Variants in SNIP1 observed in about 807,000 individuals in gnomAD.
SNIP1 encodes Smad nuclear interacting protein 1.
SNIP1 carries 23 observed loss-of-function variants against 37.4 expected under a neutral mutation model. The observed-to-expected ratio is 0.61, with a 90% confidence interval of 0.44 to 0.87. SNIP1 has a LOEUF of 0.87. SNIP1 is among the 40% of genes least tolerant of loss of function. The pLI, the probability that SNIP1 is intolerant of heterozygous loss-of-function variation, is 0.00. For synonymous variants in SNIP1, 174 were observed against 200.0 expected (o/e 0.87, Z 1.10); for missense variants, 459 against 540.4 (o/e 0.85, Z 1.49).
At chr1:37,551,104 CACTG>C (rs1643296912) in intron 2 of SNIP1, among the ~76,000 whole-genome samples, 2 of 147,520 alleles carry the variant, frequency 1.4e-5, no homozygotes, top group East Asian at 4.0e-4. Flanking sequence ...CACACACACA[CACTG>C]ACACACAAAG....
intron 2 of SNIP1, chr1:37,544,930 T>C (rs1163880334): frequency 1.5e-5 from 15 of 968,646 alleles, no homozygotes; most frequent in Non-Finnish European, 2.5e-5. Flanking sequence ...ACCAATCTCA[T>C]GAGGAGAGGG....
intron 2 of SNIP1, among the ~76,000 whole-genome samples, chr1:37,542,830 C>A (rs2148113835): frequency 6.6e-6 from 1 of 152,262 alleles, no homozygotes; most frequent in African/African-American, 2.4e-5. Flanking sequence ...GTAATCCCAG[C>A]ACTTTGGGAA....
intron 1 of SNIP1, among the ~76,000 whole-genome samples, chr1:37,553,609 G>A (rs12132301): frequency 0.054 from 8,124 of 151,786 alleles, 268 homozygotes; most frequent in South Asian, 0.14. Context: ...CCCAGTTTCT[G>A]TTAGGTAGCT....
At chr1:37,547,752 CA>C (rs201985155) in intron 2 of SNIP1, among the ~76,000 whole-genome samples, 1 of 145,646 alleles carries the variant, frequency 6.9e-6, no homozygotes, top group Non-Finnish European at 1.5e-5. Context: ...CAACAACAAC[CA>C]AAAAAAAACA....
chr1:37,540,248 T>A lies in SNIP1; in HGVS notation c.835A>T (p.Ser279Cys). 6.2e-7 allele frequency: 1 copy of A among 1,614,136 alleles called. No homozygotes were observed. The highest frequency in any genetic ancestry group is 8.5e-7 in the Non-Finnish European group (1 of 1,179,974). Reference protein sequence around the residue: ...VLPVMYIHRQSAYLLGRHRRI... With the variant: ...VLPVMYIHRQCAYLLGRHRRI... The stretch of plus-strand genomic sequence containing the variant: ...CGGTGTCGACCCAGTAGGTACGCAC[T>A]CTGTCGATGTATGTACATGACTGGA... Residue 279 changes from serine (S) to cysteine (C), a missense_variant, in exon 3 of 4, where the codon AGT (serine) becomes TGT (cysteine). Coordinates refer to ENST00000296215, the MANE Select transcript of SNIP1 (RefSeq NM_024700.4). This position sits in a 1 kb window ranked among gnomAD's most constrained non-coding sequence, Gnocchi z 5.6.
chr1:37,543,924 A>T (rs951139377), intron 2 of SNIP1, among the ~76,000 whole-genome samples: 5 of 151,566 alleles, frequency 3.3e-5, no homozygotes, highest in African/African-American at 1.2e-4. Flanking sequence ...GGGGCAGGTC[A>T]CTTGAGGTCG....
chr1:37,539,227 C>T (rs1228747447), intron 3 of SNIP1, among the ~76,000 whole-genome samples: 4 of 152,114 alleles, frequency 2.6e-5, no homozygotes, highest in African/African-American at 7.2e-5. Context: ...ATCCCGAATT[C>T]CCCCGGTTCC....
chr1:37,538,037 G>C lies in SNIP1; in HGVS notation c.927-25C>G, dbSNP rs1238757591. On this transcript the variant is annotated intron_variant, in intron 3 of 3. Coordinates refer to ENST00000296215, the MANE Select transcript of SNIP1 (RefSeq NM_024700.4). ...CCTAGCAGAAAAAAAGGAGAAACCT[G>C]TGAGCAAACTTCTGCCTCAGATCAT... The C allele has an allele frequency of 9.0e-6, 14 of 1,562,264 alleles. 1 individual carries two copies. In the South Asian group the frequency reaches 1.7e-4, roughly 19 times the overall value.
At chr1:37,543,337 C>T (rs1237984156) in intron 2 of SNIP1, among the ~76,000 whole-genome samples, 3 of 151,882 alleles carry the variant, frequency 2.0e-5, no homozygotes, top group Admixed American at 6.6e-5. Flanking sequence ...GAAATCAATC[C>T]TACAGAAATA....
chr1:37,541,965 CT>C (rs1194240549), intron 2 of SNIP1, among the ~76,000 whole-genome samples: 15 of 96,752 alleles, frequency 1.6e-4, no homozygotes, highest in Non-Finnish European at 3.2e-4. Context: ...AAGATTCATT[CT>C]TACTATCGAT....
rs1360765106 is a variant in SNIP1 at position 37,540,904 on chromosome 1, T to C, written c.328-149A>G. 4.2e-6 allele frequency: 3 copies of C among 712,220 alleles called. No homozygotes were observed. The highest frequency in any genetic ancestry group is 3.6e-5 in the African/African-American group (2 of 56,122). The allele number at this position is 712,220 out of a possible 1,614,324, so 44.1% of individuals were successfully genotyped here. A position where few individuals can be genotyped will look rare whatever the true frequency, so the allele number is the denominator to read the frequency against. On this transcript the variant is annotated intron_variant, in intron 2 of 3. Transcript: ENST00000296215. This position sits in a 1 kb window ranked among gnomAD's most constrained non-coding sequence, Gnocchi z 5.6. ...AACATTTCCCACAGAAATAAGATTA[T>C]GTCTGGTGGTTATGTTCCCTCGCAA...
At chr1:37,551,607 AG>A (rs112446933) in intron 2 of SNIP1, among the ~76,000 whole-genome samples, 62 of 152,350 alleles carry the variant, frequency 4.1e-4, no homozygotes, top group African/African-American at 1.4e-3. Context: ...GACAGAAGAA[AG>A]ATCATTTGAG....
At chr1:37,548,360 G>A (rs1251863539) in intron 2 of SNIP1, among the ~76,000 whole-genome samples, 1 of 151,320 alleles carries the variant, frequency 6.6e-6, no homozygotes, top group Non-Finnish European at 1.5e-5. Flanking sequence ...CTGTCACCCA[G>A]GCTGGAGTGC....
chr1:37,546,987 T>G (rs1291820925), intron 2 of SNIP1, among the ~76,000 whole-genome samples: 9 of 152,254 alleles, frequency 5.9e-5, no homozygotes, highest in Non-Finnish European at 4.4e-5. Context: ...CTGATGTCAC[T>G]GCAATTTCTT....
chr1:37,550,049 AAAAACAAAAC>A (rs377334557), intron 2 of SNIP1, among the ~76,000 whole-genome samples: 123 of 152,132 alleles, frequency 8.1e-4, no homozygotes, highest in Middle Eastern at 3.5e-3. Flanking sequence ...CAAAAAAAAC[AAAAACAAAAC>A]AAAACAAAAC....
Position 37,549,762 on chromosome 1 carries a change from A to G in SNIP1, c.327+2883T>C, listed in dbSNP as rs574131506. Among the ~76,000 whole-genome samples, 7 of 152,272 alleles carry G rather than the reference A, an allele frequency of 4.6e-5. No individual in the cohort carries two copies. The East Asian group carries it at 1.2e-3, about 25-fold the overall frequency. ...ATTGTTCTAAAACTTACATGGATGA[A>G]AAAAGAAGCTGAATAGCTAAAGCAA... On this transcript the variant is annotated intron_variant, in intron 2 of 3. Coordinates refer to ENST00000296215, the MANE Select transcript of SNIP1 (RefSeq NM_024700.4).
chr1:37,541,187 T>A (rs1215516248), intron 2 of SNIP1: 1 of 154,790 alleles, frequency 6.5e-6, no homozygotes, highest in African/African-American at 2.4e-5. Context: ...AGTGAAAATA[T>A]AATAGTAAGT....
At chr1:37,542,947 C>T (rs1223224514) in intron 2 of SNIP1, among the ~76,000 whole-genome samples, 1 of 151,472 alleles carries the variant, frequency 6.6e-6, no homozygotes, top group South Asian at 2.1e-4. Flanking sequence ...GTAATCTCAG[C>T]TATTTCGGAA....
At chr1:37,552,434 A>C (rs938432742) in intron 2 of SNIP1, 3 of 542,524 alleles carry the variant, frequency 5.5e-6, no homozygotes, top group South Asian at 4.4e-5. Flanking sequence ...AACCAATAAT[A>C]ATCTCAAAAT....
Sources: gnomAD v4.1 joint callset for allele counts (sites outside exome capture counted in the v4.1 genomes callset) on GRCh38, gnomAD v4.1.1 for gene constraint, Gnocchi (gnomAD v3.1) non-coding constraint, MANE v1.5 for transcripts, NCBI Gene and HGNC (gene_info 2026-07-23, HGNC 2026-07-21) for gene names.